PRRX2: variants seen among roughly 807,000 people sequenced by gnomAD.
The protein encoded by PRRX2 is paired mesoderm homeobox protein 2.
PRRX2 carries 11 observed loss-of-function variants against 18.0 expected under a neutral mutation model. The observed-to-expected ratio is 0.61, with a 90% CI of 0.39 to 1.01. PRRX2 has a LOEUF of 1.01. Ranked by LOEUF, PRRX2 falls within the 50% of genes least tolerant of loss-of-function variation. The pLI, the probability that PRRX2 is intolerant of heterozygous loss-of-function variation, is 0.01. For missense variants in PRRX2, 387 were observed against 351.0 expected (o/e 1.10, Z -0.82); for synonymous variants, 177 against 154.8 (o/e 1.14, Z -1.06).
At chr9:129,691,301 C>T (rs1341083325) in intron 1 of PRRX2, among the ~76,000 whole-genome samples, 1 of 151,712 alleles carries the variant, frequency 6.6e-6, no homozygotes, top group Non-Finnish European at 1.5e-5. Context: ...CGCACCATTG[C>T]ACCCAGCCTG....
At chr9:129,692,918 G>A (rs1024746564) in intron 1 of PRRX2, among the ~76,000 whole-genome samples, 3 of 152,228 alleles carry the variant, frequency 2.0e-5, no homozygotes, top group South Asian at 4.1e-4. Flanking sequence ...GAACCAAGGA[G>A]TGTGATGGCC....
At chr9:129,704,285 C>T (rs1832533590) in intron 1 of PRRX2, among the ~76,000 whole-genome samples, 1 of 152,070 alleles carries the variant, frequency 6.6e-6, no homozygotes, top group Admixed American at 6.5e-5. Flanking sequence ...TAAGCATGTC[C>T]TTGGGAGAGC....
intron 1 of PRRX2, among the ~76,000 whole-genome samples, chr9:129,687,876 G>A (rs1438603930): frequency 2.0e-5 from 3 of 152,180 alleles, no homozygotes; most frequent in Non-Finnish European, 2.9e-5. Flanking sequence ...TAGCCCCCTC[G>A]CACAGTGATT....
intron 1 of PRRX2, among the ~76,000 whole-genome samples, chr9:129,701,808 A>C (rs1051124943): frequency 6.6e-6 from 1 of 152,154 alleles, no homozygotes; most frequent in Non-Finnish European, 1.5e-5. Context: ...TTTCCTTTCA[A>C]ATGTCCTTAG....
At chr9:129,720,233 G>C (rs1832771725) in intron 2 of PRRX2, among the ~76,000 whole-genome samples, 1 of 144,106 alleles carries the variant, frequency 6.9e-6, no homozygotes, top group Admixed American at 6.9e-5. Context: ...CCCCGCGAGT[G>C]CTCAGCAAGA....
At chr9:129,713,176 G>C (rs367596209) in intron 1 of PRRX2, 1 of 152,282 alleles carries the variant, frequency 6.6e-6, no homozygotes, top group Admixed American at 6.5e-5. Context: ...CACGGCAGGG[G>C]TGCAGCCCCA....
At chr9:129,719,500 C>T (rs1832762181) in intron 2 of PRRX2, 82 bp downstream of exon 2, 11 of 1,378,134 alleles carry the variant, frequency 8.0e-6, no homozygotes, top group Non-Finnish European at 1.0e-5. Context: ...TACACAGTTG[C>T]CCAGGAGGGG....
At chr9:129,678,796 G>A (rs1174522524) in intron 1 of PRRX2, among the ~76,000 whole-genome samples, 1 of 152,132 alleles carries the variant, frequency 6.6e-6, no homozygotes, top group Non-Finnish European at 1.5e-5. Flanking sequence ...CCTCTCTGGG[G>A]GCGCTCTCAG....
At chr9:129,666,728 G>C (rs1370587286) in intron 1 of PRRX2, among the ~76,000 whole-genome samples, 1 of 152,204 alleles carries the variant, frequency 6.6e-6, no homozygotes, top group South Asian at 2.1e-4. Context: ...GACACAGGAT[G>C]GCAGGGTCCT....
intron 1 of PRRX2, among the ~76,000 whole-genome samples, chr9:129,711,669 A>G (rs1832622976): frequency 6.6e-6 from 1 of 151,960 alleles, no homozygotes; most frequent in African/African-American, 2.4e-5. Context: ...TCGGCCTCCC[A>G]AAGTGCTGGG....
At chr9:129,668,122 G>A (rs1334015650) in intron 1 of PRRX2, among the ~76,000 whole-genome samples, 2 of 152,188 alleles carry the variant, frequency 1.3e-5, no homozygotes, top group Non-Finnish European at 2.9e-5. Flanking sequence ...GGTGTGGCCC[G>A]GATCTGGGTC....
chr9:129,670,687 G>A (rs890241920), intron 1 of PRRX2, among the ~76,000 whole-genome samples: 2 of 152,070 alleles, frequency 1.3e-5, no homozygotes, highest in African/African-American at 4.8e-5. Context: ...ACCTTTAAAT[G>A]TGTTAAGGGT....
intron 1 of PRRX2, among the ~76,000 whole-genome samples, chr9:129,667,565 A>G (rs951387201): frequency 6.6e-6 from 1 of 151,588 alleles, no homozygotes; most frequent in Admixed American, 6.6e-5. Context: ...GGAGAGAGAG[A>G]GGGAGGAGAG....
rs1437523280 is a variant in PRRX2, at chr9:129,673,668, A to ACACACAGG, written c.259+7548_259+7549insGGCACACA. On this transcript the variant is annotated intron_variant, in intron 1 of 3. Transcript: ENST00000372469. ...CCCCCCATGCCACACACACACACAC[A>ACACACAGG]CACACACACAGGCACACACACGCCC... is the stretch of plus-strand genomic sequence containing the variant. Among the ~76,000 whole-genome samples, 535 of 151,794 alleles carry ACACACAGG rather than the reference A, an allele frequency of 3.5e-3. 2 individuals are homozygous for ACACACAGG. Among genetic ancestry groups the ACACACAGG allele is most frequent in the African/African-American group, 0.012 (504 of 41,344 alleles).
At chr9:129,713,717 G>A (rs1280606501) in intron 1 of PRRX2, among the ~76,000 whole-genome samples, 4 of 151,122 alleles carry the variant, frequency 2.6e-5, no homozygotes, top group Non-Finnish European at 2.9e-5. Context: ...TGCAACCTCC[G>A]CCTGCCGGGT....
chr9:129,665,744 A>T lies in PRRX2; in HGVS notation c.-124A>T, dbSNP rs1439969266. ...TCAGCGCCGGGCGGGCCGCGAGGCT[A>T]GGAGGCGGCGGGAGCTGGGCAGAGC... On this transcript the variant is annotated 5_prime_UTR_variant, in exon 1 of 4. Transcript: ENST00000372469. The surrounding 1 kb of genome is among the most constrained non-coding windows in gnomAD (Gnocchi z 5.3). 2.9e-6 allele frequency: 2 copies of T among 690,724 alleles called. No individual in the cohort carries two copies. The highest frequency in any genetic ancestry group is 1.8e-6 in the Non-Finnish European group (1 of 558,060). The allele number at this position is 690,724 out of a possible 1,614,324, so 42.8% of individuals were successfully genotyped here.
At chr9:129,710,197 G>T (rs1290059520) in intron 1 of PRRX2, among the ~76,000 whole-genome samples, 2 of 152,106 alleles carry the variant, frequency 1.3e-5, no homozygotes, top group Non-Finnish European at 2.9e-5. Flanking sequence ...GAGAGGGCGT[G>T]GTGTGTGTGA....
intron 2 of PRRX2, among the ~76,000 whole-genome samples, chr9:129,719,881 G>A (rs1347052527): frequency 6.6e-6 from 1 of 152,124 alleles, no homozygotes; most frequent in Non-Finnish European, 1.5e-5. Flanking sequence ...CAGCTGCTTG[G>A]GTGGCTGAGG....
rs1170810327 is a variant in PRRX2, at chr9:129,675,787, G to T, written c.259+9661G>T. ...AAACCTCGGAATCAAAGCGGGAGCCGCCAGGCGGGCGCGCCTGGCAGGGGC... is the reference window on the plus strand; with the variant it reads ...AAACCTCGGAATCAAAGCGGGAGCCTCCAGGCGGGCGCGCCTGGCAGGGGC... On this transcript the variant is annotated intron_variant, in intron 1 of 3. Transcript: ENST00000372469. The surrounding 1 kb of genome is among the most constrained non-coding windows in gnomAD (Gnocchi z 4.4). 6.6e-6 allele frequency among the ~76,000 whole-genome samples: 1 copy of T among 152,348 alleles called. No homozygotes were observed. Among genetic ancestry groups the T allele is most frequent in the East Asian group, 1.9e-4 (1 of 5,184 alleles).
Sources: allele counts gnomAD v4.1 joint callset (sites outside exome capture counted in the v4.1 genomes callset), GRCh38; gene constraint gnomAD v4.1.1; non-coding constraint Gnocchi (gnomAD v3.1); transcripts MANE v1.5; gene names NCBI Gene and HGNC (gene_info 2026-07-23, HGNC 2026-07-21).